Variants in SENP1 observed in about 807,000 individuals in gnomAD.
The protein encoded by SENP1 is SUMO specific peptidase 1.
SENP1 carries 21 observed loss-of-function variants against 93.0 expected under a neutral mutation model. That is an observed-to-expected ratio of 0.23 (90% CI 0.16 to 0.33). The LOEUF (loss-of-function observed/expected upper bound fraction) is 0.33. SENP1 is among the 10% of genes least tolerant of loss of function. The pLI, the probability that SENP1 is intolerant of heterozygous loss-of-function variation, is 1.00. For synonymous variants in SENP1, 256 were observed against 259.6 expected (o/e 0.99, Z 0.13); for missense variants, 591 against 758.7 (o/e 0.78, Z 2.60).
chr12:48,063,560 C>A, intron 13 of SENP1, 150 bp downstream of exon 13: 1 of 656,738 alleles, frequency 1.5e-6, no homozygotes, highest in South Asian at 2.5e-5. Flanking sequence ...CACCACACTC[C>A]CTCATAGTTA....
chr12:48,053,480 G>GA (rs56951392), intron 13 of SENP1, among the ~76,000 whole-genome samples: 14,670 of 79,476 alleles, frequency 0.18, 1,205 homozygotes, highest in African/African-American at 0.28. Context: ...CCTGTCTCAG[G>GA]AAAAAAAAAA....
At position 48,065,655 on chromosome 12, in the gene SENP1, G is replaced by A. The variant is rs748926101; in HGVS notation, c.1060C>T (p.Arg354Ter). The A allele has an allele frequency of 1.9e-6, 3 of 1,560,220 alleles. No homozygotes were observed. Among genetic ancestry groups the A allele is most frequent in the Admixed American group, 1.9e-5 (1 of 52,460 alleles). ...ELTSVYDSRARERLRQIEEQK... is the reference protein window; with the variant it reads ...ELTSVYDSRA ...TCTTCAATCTGGCGCAATCTTTCTCGTGCTCGAGAATCATAAACACTAGTT... is the reference window on the plus strand; with the variant it reads ...TCTTCAATCTGGCGCAATCTTTCTCATGCTCGAGAATCATAAACACTAGTT... Residue 354 changes from arginine (R) to a stop codon, truncating the protein, a stop_gained, in exon 11 of 18, where the codon CGA becomes TGA. Coordinates refer to ENST00000549518, the MANE Select transcript of SENP1 (RefSeq NM_001267594.2). LOFTEE classifies it high-confidence loss of function.
chr12:48,047,435 G>T (rs560733762), intron 15 of SENP1, among the ~76,000 whole-genome samples: 1 of 152,204 alleles, frequency 6.6e-6, no homozygotes, highest in African/African-American at 2.4e-5. Context: ...GTACTATTGA[G>T]GTATTTATTT....
intron 4 of SENP1, among the ~76,000 whole-genome samples, chr12:48,092,502 C>A (rs1452795429): frequency 1.3e-5 from 2 of 152,058 alleles, no homozygotes; most frequent in East Asian, 1.9e-4. Context: ...TAGAAAGGGA[C>A]CTTTGATGTC....
chr12:48,095,471 G>C (rs1405237780), intron 4 of SENP1, among the ~76,000 whole-genome samples: 10 of 148,676 alleles, frequency 6.7e-5, no homozygotes, highest in Non-Finnish European at 1.5e-4. Context: ...AGGAGGCAGA[G>C]GTTGCAGTGA....
intron 4 of SENP1, among the ~76,000 whole-genome samples, chr12:48,089,884 T>C (rs370218181): frequency 4.6e-5 from 7 of 152,228 alleles, no homozygotes; most frequent in African/African-American, 7.2e-5. Context: ...CATATTACTA[T>C]AGAACTTTTC....
chr12:48,082,073 T>C (rs376042789), intron 6 of SENP1, among the ~76,000 whole-genome samples: 14 of 151,862 alleles, frequency 9.2e-5, no homozygotes, highest in African/African-American at 3.1e-4. Flanking sequence ...GTATTTTTAG[T>C]AGAGACAGGG....
Position 48,074,552 on chromosome 12 carries a change from C to T in SENP1, c.712G>A (p.Gly238Arg), listed in dbSNP as rs766791463. The change falls in exon 8 of 18, where the codon GGA (glycine) becomes AGA (arginine). Residue 238 changes from glycine to arginine, a missense_variant. By Grantham distance (125) the Gly-to-Arg change is moderately radical (BLOSUM62 -2). Around this residue, in one of 4 missense-constraint regions of SENP1, gnomAD observed 238 missense variants for 259.1 expected, o/e 0.92. Transcript: ENST00000549518. ...ATGATCTGAGATGCACAAGAGTTTC[C>T]ATTTTTAAACAGTGAGTCTTTCAAA... is the stretch of plus-strand genomic sequence containing the variant. ...NTLKDSLFKN[G>R]NSCASQIIGS... 4.3e-6 allele frequency: 7 copies of T among 1,613,636 alleles called. No individual in the cohort carries two copies. Among genetic ancestry groups the T allele is most frequent in the Non-Finnish European group, 5.9e-6 (7 of 1,179,666 alleles).
chr12:48,050,779 G>A (rs1941741484), intron 13 of SENP1, among the ~76,000 whole-genome samples: 1 of 152,170 alleles, frequency 6.6e-6, no homozygotes, highest in Non-Finnish European at 1.5e-5. Flanking sequence ...GTTCTCTAAT[G>A]AGGAAAAATT....
Position 48,083,613 on chromosome 12 carries a change from C to T in SENP1, c.530G>A (p.Arg177Gln), listed in dbSNP as rs2137137507. 1.2e-6 allele frequency: 2 copies of T among 1,613,728 alleles called. No individual in the cohort carries two copies. The highest frequency in any genetic ancestry group is 1.7e-6 in the Non-Finnish European group (2 of 1,179,808). The change falls in exon 6 of 18, where the codon CGA (arginine) becomes CAA (glutamine). Residue 177 changes from arginine to glutamine, a missense_variant. Physicochemically the swap from Arg to Gln is conservative, Grantham distance 43 (BLOSUM62 1). Transcript: ENST00000549518. ...TACCTCTTCTGCTGTACTAACATGT[C>T]GCCTCTGAGTTTTCTTGGGGCTCAA... ...SLLSPKKTQR[R>Q]HVSTAEETVQ...
At chr12:48,099,192 T>C (rs1945758627) in intron 2 of SENP1, 1 of 151,978 alleles carries the variant, frequency 6.6e-6, no homozygotes, top group Admixed American at 6.6e-5. Flanking sequence ...CCAGACATGG[T>C]GGTGCATGCC....
chr12:48,068,672 T>C (rs11613485), intron 9 of SENP1, among the ~76,000 whole-genome samples: 34,524 of 151,936 alleles, frequency 0.23, 4,587 homozygotes, highest in East Asian at 0.55. Context: ...GGAAATTCAT[T>C]TGTTTAACAA....
chr12:48,105,962 G>A (rs763348975), intron 1 of SENP1, 66 bp downstream of exon 1: 2 of 697,208 alleles, frequency 2.9e-6, no homozygotes, highest in South Asian at 1.5e-5. Flanking sequence ...GACCGGGTCC[G>A]ACACAGTCTC....
In SENP1 at chr12:48,047,988, A is replaced by G; in HGVS notation, c.1691+13T>C. 2 of 1,570,576 alleles carry G rather than the reference A, an allele frequency of 1.3e-6. No homozygotes were observed. Among genetic ancestry groups the G allele is most frequent in the Non-Finnish European group, 1.8e-6 (2 of 1,141,062 alleles). Reference sequence around the variant, plus strand: ...CCGATATCAAACTCTTCTGTCCTCAACTCCCTACTTACAAGAGTATTCTGC... The same window carrying G: ...CCGATATCAAACTCTTCTGTCCTCAGCTCCCTACTTACAAGAGTATTCTGC... On this transcript the variant is annotated intron_variant, in intron 15 of 17. Coordinates refer to ENST00000549518, the MANE Select transcript of SENP1 (RefSeq NM_001267594.2).
chr12:48,085,360 A>G (rs546033329), intron 5 of SENP1: 671 of 1,403,596 alleles, frequency 4.8e-4, no homozygotes, highest in Middle Eastern at 1.2e-3. Context: ...CCATATGAGG[A>G]CGCCAAGGAC....
Position 48,065,197 on chromosome 12 carries a change from T to C in SENP1, c.1143A>G (p.Ser381=), listed in dbSNP as rs769424838. ...GATGTAGTTCTACTGAATCATGTAC[T>C]GAATGTTCCCGCTCCTGCAATCTCT... ...QNQRLQEREH[S]VHDSVELHLR... is the part of the protein sequence containing the mutation. Residue 381 remains serine (S), a synonymous_variant, in exon 12 of 18, where the codon TCA becomes TCG. Transcript: ENST00000549518. 4.4e-6 allele frequency: 7 copies of C among 1,606,300 alleles called. No homozygotes were observed. Among genetic ancestry groups the C allele is most frequent in the African/African-American group, 2.7e-5 (2 of 74,810 alleles).
chr12:48,086,415 A>C (rs553498192), intron 5 of SENP1, among the ~76,000 whole-genome samples: 1 of 152,354 alleles, frequency 6.6e-6, no homozygotes, highest in South Asian at 2.1e-4. Flanking sequence ...GTGATGGCTG[A>C]TGTGAAATTC....
intron 6 of SENP1, among the ~76,000 whole-genome samples, chr12:48,082,537 C>T (rs1944560320): frequency 1.3e-5 from 2 of 151,528 alleles, no homozygotes; most frequent in South Asian, 4.1e-4. Flanking sequence ...AACAATAATA[C>T]ACGTGGAAAG....
chr12:48,053,155 A>G (rs945059787), intron 13 of SENP1, among the ~76,000 whole-genome samples: 1 of 152,130 alleles, frequency 6.6e-6, no homozygotes, highest in African/African-American at 2.4e-5. Context: ...CCCCGTTCCC[A>G]TCAAAAATAT....
Sources: gnomAD v4.1 joint callset for allele counts (sites outside exome capture counted in the v4.1 genomes callset) on GRCh38, gnomAD v4.1.1 for gene constraint, gnomAD v4.1.1 regional missense constraint, MANE v1.5 for transcripts, NCBI Gene and HGNC (gene_info 2026-07-23, HGNC 2026-07-21) for gene names.